SPHKAP: variants seen among roughly 807,000 people sequenced by gnomAD.
SPHKAP encodes SPHK1 interactor, AKAP domain containing.
In SPHKAP, 67 loss-of-function variants were observed where a neutral mutation model predicts 137.5. The ratio of observed to expected loss-of-function variants is 0.49; its 90% CI spans 0.40 to 0.60. The LOEUF is 0.60. Among genes scored for constraint, SPHKAP ranks in the 20% least tolerant of loss-of-function variants. The pLI is 0.00. For missense variants in SPHKAP, 2,097 were observed against 2,069.3 expected, an observed-to-expected ratio of 1.01 and a Z score of -0.26; for synonymous variants, 813 against 785.3, an observed-to-expected ratio of 1.04 and a Z score of -0.59.
intron 3 of SPHKAP, among the ~76,000 whole-genome samples, chr2:228,068,725 G>T (rs973125795): frequency 9.2e-5 from 14 of 152,144 alleles, no homozygotes; most frequent in Non-Finnish European, 1.5e-5. Flanking sequence ...TCTAAGACTG[G>T]AAAGTATGAT....
intron 7 of SPHKAP, among the ~76,000 whole-genome samples, chr2:228,011,954 C>T (rs959073827): frequency 2.6e-5 from 4 of 151,842 alleles, no homozygotes; most frequent in Non-Finnish European, 5.9e-5. Flanking sequence ...TCACTTGAGC[C>T]CAGGAGTCTG....
intron 3 of SPHKAP, among the ~76,000 whole-genome samples, chr2:228,045,312 A>G (rs1346295950): frequency 1.0e-4 from 15 of 144,412 alleles, no homozygotes; most frequent in Middle Eastern, 3.5e-3. Context: ...TGTTTATTGC[A>G]GCACTATTCA....
rs763543543 is a variant in SPHKAP, at chr2:228,019,991, T to C, written c.863A>G (p.Glu288Gly). 1 of 1,614,240 alleles carries C rather than the reference T, an allele frequency of 6.2e-7. No individual in the cohort carries two copies. The highest frequency in any genetic ancestry group is 1.7e-5 in the Admixed American group (1 of 60,028). ...CAAGGCTGTGTTCTTTGTTAGGTTT[T>C]CTGGAGATCGTTCTGTTTTAATCAA... is the stretch of plus-strand genomic sequence containing the variant. ...TPLIKTERSP[E>G]NLTKNTALQS... The change falls in exon 7 of 12, where the codon GAA becomes GGA. Residue 288 changes from glutamate to glycine, a missense_variant. By Grantham distance (98) the Glu-to-Gly change is moderately conservative. Transcript: ENST00000392056.
At chr2:228,152,956 G>A (rs978835380) in intron 1 of SPHKAP, among the ~76,000 whole-genome samples, 1 of 152,070 alleles carries the variant, frequency 6.6e-6, no homozygotes, top group Non-Finnish European at 1.5e-5. Context: ...ATCATGGAGG[G>A]AGTTTCCCCT....
chr2:228,057,302 T>C (rs987770539), intron 3 of SPHKAP, among the ~76,000 whole-genome samples: 7 of 152,240 alleles, frequency 4.6e-5, no homozygotes, highest in Non-Finnish European at 1.0e-4. Flanking sequence ...GAAGTGATGA[T>C]ATTTTTATTG....
intron 3 of SPHKAP, among the ~76,000 whole-genome samples, chr2:228,048,274 A>G (rs1696134944): frequency 6.6e-6 from 1 of 150,734 alleles, no homozygotes; most frequent in African/African-American, 2.4e-5. Context: ...TGGTTTACAT[A>G]GAAAAATAAA....
At position 227,981,867 on chromosome 2, in the gene SPHKAP, T is replaced by G. The variant is rs768540699; in HGVS notation, c.4960-7A>C. The G allele has an allele frequency of 6.2e-7, 1 of 1,611,590 alleles. No homozygotes were observed. Among genetic ancestry groups the G allele is most frequent in the South Asian group, 1.1e-5 (1 of 90,688 alleles). On this transcript the variant is annotated splice_region_variant and splice_polypyrimidine_tract_variant and intron_variant, in intron 11 of 11. Transcript: ENST00000392056. ...GCTGCACGACATCTAGAAACTAAAA[T>G]AAAACGGAGAGTTAGGGCTCACAGA...
In SPHKAP at chr2:227,991,473, A is replaced by G. The variant is rs1051359289; in HGVS notation, c.4722-147T>C. 2.0e-6 allele frequency: 3 copies of G among 1,500,910 alleles called. No individual in the cohort carries two copies. In the African/African-American group the frequency reaches 4.2e-5, roughly 21 times the overall value. 93.0% of individuals were successfully genotyped at this position (1,500,910 alleles called of 1,614,324 possible). A position where few individuals can be genotyped will look rare whatever the true frequency, so the allele number is the denominator to read the frequency against. On this transcript the variant is annotated intron_variant, in intron 9 of 11. Coordinates refer to ENST00000392056, the MANE Select transcript of SPHKAP (RefSeq NM_001142644.2). ...TTTGTAGAGTAGAGTAATGCTGGGA[A>G]AACACCAATGTGGCTATTATGTAAG...
At chr2:228,109,956 CAAAAA>C (rs11440513) in intron 2 of SPHKAP, among the ~76,000 whole-genome samples, 3 of 56,286 alleles carry the variant, frequency 5.3e-5, no homozygotes, top group Non-Finnish European at 9.1e-5. Context: ...GAAAATGTCT[CAAAAA>C]AAAAAAAAAA....
chr2:228,025,344 G>A (rs773746221), intron 5 of SPHKAP, 50 bp downstream of exon 5: 8 of 1,605,036 alleles, frequency 5.0e-6, no homozygotes, highest in Middle Eastern at 1.7e-4. Context: ...GATCTGTGCT[G>A]AGCTAACTAT....
intron 3 of SPHKAP, among the ~76,000 whole-genome samples, chr2:228,045,081 T>G (rs1410847617): frequency 2.0e-5 from 3 of 151,702 alleles, no homozygotes; most frequent in Non-Finnish European, 4.4e-5. Flanking sequence ...TGGCAATCAT[T>G]AAAAAGTCAG....
chr2:228,011,893 C>T (rs545736355), intron 7 of SPHKAP, among the ~76,000 whole-genome samples: 1 of 152,158 alleles, frequency 6.6e-6, no homozygotes, highest in East Asian at 1.9e-4. Flanking sequence ...AGGCCAGGCC[C>T]AGTGGCTCAC....
intron 3 of SPHKAP, among the ~76,000 whole-genome samples, chr2:228,052,208 T>C (rs1207334510): frequency 1.3e-5 from 2 of 150,480 alleles, no homozygotes; most frequent in South Asian, 2.1e-4. Context: ...AAAGAGGAAA[T>C]AATAAAAAAT....
In SPHKAP at chr2:228,018,639, T is replaced by TA; in HGVS notation, c.2214dup (p.Lys739Ter). On this transcript the variant is annotated frameshift_variant, in exon 7 of 12. Coordinates refer to ENST00000392056, the MANE Select transcript of SPHKAP (RefSeq NM_001142644.2). LOFTEE classifies it high-confidence loss of function. ...GTCTCCCTCCTTCTGATGGTCTCCT[T>TA]AGAAAGGACAGCAGGACATTCACCA... The TA allele has an allele frequency of 6.2e-7, 1 of 1,614,176 alleles. No individual in the cohort carries two copies. The highest frequency in any genetic ancestry group is 8.5e-7 in the Non-Finnish European group (1 of 1,180,024).
At chr2:227,989,749 G>A (rs1693343675) in intron 11 of SPHKAP, among the ~76,000 whole-genome samples, 1 of 151,090 alleles carries the variant, frequency 6.6e-6, no homozygotes, top group African/African-American at 2.4e-5. Flanking sequence ...AGGATTACAG[G>A]TGCCTGCCAC....
chr2:228,003,853 C>T (rs767348561), intron 7 of SPHKAP, among the ~76,000 whole-genome samples: 4 of 152,074 alleles, frequency 2.6e-5, no homozygotes, highest in Non-Finnish European at 5.9e-5. Context: ...TGTTTACATA[C>T]CTGATTACAT....
chr2:228,144,999 T>C (rs1699731498), intron 1 of SPHKAP, among the ~76,000 whole-genome samples: 1 of 152,214 alleles, frequency 6.6e-6, no homozygotes, highest in South Asian at 2.1e-4. Context: ...GTCTATGTGT[T>C]GCCTCCCCCA....
At chr2:228,163,552 A>G (rs1229269887) in intron 1 of SPHKAP, among the ~76,000 whole-genome samples, 1 of 152,120 alleles carries the variant, frequency 6.6e-6, no homozygotes, top group Non-Finnish European at 1.5e-5. Context: ...TCCTTTCCTC[A>G]GTAATATTGA....
intron 1 of SPHKAP, among the ~76,000 whole-genome samples, chr2:228,134,177 AG>A (rs1699358597): frequency 6.8e-5 from 10 of 147,662 alleles, no homozygotes; most frequent in Non-Finnish European, 1.2e-4. Context: ...GAAGGGAGGG[AG>A]GAAGACAGAA....
Sources: allele counts gnomAD v4.1 joint callset (sites outside exome capture counted in the v4.1 genomes callset), GRCh38; gene constraint gnomAD v4.1.1; transcripts MANE v1.5; gene names NCBI Gene and HGNC (gene_info 2026-07-23, HGNC 2026-07-21).